IGF2BP1: variants seen among roughly 807,000 people sequenced by gnomAD.
The protein encoded by IGF2BP1 is insulin like growth factor 2 mRNA binding protein 1.
In IGF2BP1, 11 loss-of-function variants were observed where a neutral mutation model predicts 74.9. The observed-to-expected ratio is 0.15, with a 90% CI of 0.09 to 0.24. The LOEUF is 0.24. Ranked by LOEUF, IGF2BP1 falls within the 10% of genes least tolerant of loss-of-function variation. The pLI is 1.00. For missense variants in IGF2BP1, 440 were observed against 757.4 expected, an observed-to-expected ratio of 0.58 and a Z score of 4.92; for synonymous variants, 287 against 281.8, an observed-to-expected ratio of 1.02 and a Z score of -0.18.
intron 2 of IGF2BP1, among the ~76,000 whole-genome samples, chr17:49,001,739 T>C (rs2041490444): frequency 6.6e-6 from 1 of 152,142 alleles, no homozygotes; most frequent in African/African-American, 2.4e-5. Flanking sequence ...AATTTGTATA[T>C]GTTCACTGCC....
intron 14 of IGF2BP1, among the ~76,000 whole-genome samples, chr17:49,048,488 G>T (rs968025986): frequency 6.6e-6 from 1 of 151,732 alleles, no homozygotes; most frequent in Non-Finnish European, 1.5e-5. Flanking sequence ...CCTGACCTCA[G>T]GTGATTCACC....
intron 6 of IGF2BP1, among the ~76,000 whole-genome samples, chr17:49,038,727 A>G (rs1327123931): frequency 6.6e-6 from 1 of 152,068 alleles, no homozygotes; most frequent in Non-Finnish European, 1.5e-5. Flanking sequence ...GTCTCCAAGC[A>G]AACCTCATTT....
intron 2 of IGF2BP1, chr17:49,014,639 C>A: frequency 3.0e-6 from 1 of 337,360 alleles, no homozygotes; most frequent in Non-Finnish European, 4.2e-6. Flanking sequence ...CCAGCTGCAG[C>A]GCCTGTTTCC....
At position 49,053,229 on chromosome 17, in the gene IGF2BP1, A is replaced by G. The variant is rs768323916; in HGVS notation, c.*3785A>G. On this transcript the variant is annotated 3_prime_UTR_variant, in exon 15 of 15. Coordinates refer to ENST00000290341, the MANE Select transcript of IGF2BP1 (RefSeq NM_006546.4). ...AAAGACCCCATTTAAAACCCAGAGAACACTGGAGGGGGATGCTCTAGTTGG... is the reference window on the plus strand; with the variant it reads ...AAAGACCCCATTTAAAACCCAGAGAGCACTGGAGGGGGATGCTCTAGTTGG... The G allele has an allele frequency of 6.6e-6, 1 of 152,604 alleles. No homozygotes were observed. The highest frequency in any genetic ancestry group is 1.5e-5 in the Non-Finnish European group (1 of 68,046). 9.5% of individuals were successfully genotyped at this position (152,604 alleles called of 1,614,324 possible). A position where few individuals can be genotyped will look rare whatever the true frequency, so the allele number is the denominator to read the frequency against.
In IGF2BP1 at chr17:49,017,473, GA is replaced by G. The variant is rs1448000621; in HGVS notation, c.237-8144del. Reference sequence around the variant, plus strand: ...AGAAACAGGTGAAATTAATTTTAAAGATAGTTAACCCAATATATAAAAAATT... The same window carrying G: ...AGAAACAGGTGAAATTAATTTTAAAGTAGTTAACCCAATATATAAAAAATT... On this transcript the variant is annotated intron_variant, in intron 2 of 14. Coordinates refer to ENST00000290341, the MANE Select transcript of IGF2BP1 (RefSeq NM_006546.4). Among the ~76,000 whole-genome samples the G allele has an allele frequency of 3.9e-5, 6 of 151,988 alleles. 1 individual carries two copies. The highest frequency in any genetic ancestry group is 3.9e-4 in the Admixed American group (6 of 15,256).
intron 5 of IGF2BP1, chr17:49,037,318 A>G (rs138272405): frequency 3.4e-5 from 17 of 497,990 alleles, no homozygotes; most frequent in African/African-American, 2.2e-4. Flanking sequence ...ACTGCTCACT[A>G]TAATGATCCA....
intron 2 of IGF2BP1, among the ~76,000 whole-genome samples, chr17:49,018,327 T>G (rs1018985920): frequency 6.6e-6 from 1 of 152,192 alleles, no homozygotes; most frequent in African/African-American, 2.4e-5. Context: ...GTGTGTGTGT[T>G]TTTGCAGGTT....
rs1179880787 is a variant in IGF2BP1, at chr17:49,053,875, A to G, written c.*4431A>G. The G allele has an allele frequency of 6.6e-6, 1 of 152,652 alleles. No homozygotes were observed. The highest frequency in any genetic ancestry group is 2.4e-5 in the African/African-American group (1 of 41,448). The allele number at this position is 152,652 out of a possible 1,614,324, so 9.5% of individuals were successfully genotyped here. A position where few individuals can be genotyped will look rare whatever the true frequency, so the allele number is the denominator to read the frequency against. On this transcript the variant is annotated 3_prime_UTR_variant, in exon 15 of 15. Coordinates refer to ENST00000290341, the MANE Select transcript of IGF2BP1 (RefSeq NM_006546.4). ...GAGATCCTAGTGGCTTTGCCATTCA[A>G]ACCACTCGACTGTTTGCCTGTTTCT...
chr17:49,005,144 A>G (rs745653063), intron 2 of IGF2BP1, among the ~76,000 whole-genome samples: 5 of 152,252 alleles, frequency 3.3e-5, no homozygotes, highest in Admixed American at 2.6e-4. Flanking sequence ...TAGGTTTGCA[A>G]TAATACAACA....
upstream of IGF2BP1, among the ~76,000 whole-genome samples, chr17:48,997,132 G>C (rs1459268225): frequency 1.3e-5 from 2 of 152,144 alleles, no homozygotes; most frequent in Admixed American, 6.5e-5. The surrounding 1 kb of genome is among the most constrained non-coding windows in gnomAD (Gnocchi z 4.8). Context: ...TGGGGTAGGG[G>C]GATGGGTGGG....
At chr17:49,024,475 G>A (rs1161167230) in intron 2 of IGF2BP1, among the ~76,000 whole-genome samples, 1 of 152,106 alleles carries the variant, frequency 6.6e-6, no homozygotes, top group African/African-American at 2.4e-5. Context: ...TGGGAGAGGG[G>A]AAGGTAGTGG....
chr17:49,038,022 AT>A, intron 5 of IGF2BP1, 145 bp from the exon 6 acceptor site: 1 of 602,856 alleles, frequency 1.7e-6, no homozygotes, highest in African/African-American at 1.9e-5. Context: ...GTTGTGAAAA[AT>A]GGAGGTGGAG....
In IGF2BP1 at chr17:49,019,997, C is replaced by T. The variant is rs1199314435; in HGVS notation, c.237-5621C>T. On this transcript the variant is annotated intron_variant, in intron 2 of 14. Coordinates refer to ENST00000290341, the MANE Select transcript of IGF2BP1 (RefSeq NM_006546.4). ...ACACATACACCCACACATATATATA[C>T]ACACACACACACATATATATACACA... Among the ~76,000 whole-genome samples the T allele has an allele frequency of 1.2e-4, 11 of 94,492 alleles. No homozygotes were observed. In the South Asian group the frequency reaches 1.8e-3, roughly 16 times the overall value. The allele number at this position is 94,492 out of a possible 152,430, so 62.0% of individuals were successfully genotyped here.
chr17:48,996,616 C>G (rs946230149), upstream of IGF2BP1: 2 of 152,462 alleles, frequency 1.3e-5, no homozygotes, highest in African/African-American at 4.8e-5. Context: ...CCGTTCCTGT[C>G]TCCTGGAGTC....
chr17:49,055,086 TTC>T lies in IGF2BP1; in HGVS notation c.*5644_*5645del, dbSNP rs1448875935. Reference sequence around the variant, plus strand: ...GCTTAGGTTAGGGGGGGAAAAAGATTTCTTTTTCCAAAGGAAAAAAATATTAC... The same window carrying T: ...GCTTAGGTTAGGGGGGGAAAAAGATTTTTTTCCAAAGGAAAAAAATATTAC... On this transcript the variant is annotated 3_prime_UTR_variant, in exon 15 of 15. Coordinates refer to ENST00000290341, the MANE Select transcript of IGF2BP1 (RefSeq NM_006546.4). 6.6e-6 allele frequency: 1 copy of T among 151,868 alleles called. No homozygotes were observed. Among genetic ancestry groups the T allele is most frequent in the Admixed American group, 6.6e-5 (1 of 15,186 alleles). 9.4% of individuals were successfully genotyped at this position (151,868 alleles called of 1,614,324 possible). A position where few individuals can be genotyped will look rare whatever the true frequency, so the allele number is the denominator to read the frequency against.
chr17:49,043,384 C>G (rs759335300), intron 9 of IGF2BP1, 44 bp from the exon 10 acceptor site: 2 of 1,609,668 alleles, frequency 1.2e-6, no homozygotes, highest in African/African-American at 1.3e-5. Flanking sequence ...ACACAAGCCC[C>G]TGTCAGGGTG....
At position 49,019,969 on chromosome 17, in the gene IGF2BP1, CACACACAT is replaced by C. The variant is rs1218542077; in HGVS notation, c.237-5644_237-5637del. Among the ~76,000 whole-genome samples, 392 of 92,628 alleles carry C rather than the reference CACACACAT, an allele frequency of 4.2e-3. 19 individuals are homozygous for C. The highest frequency in any genetic ancestry group is 0.02 in the African/African-American group (371 of 18,736). The allele number at this position is 92,628 out of a possible 152,430, so 60.8% of individuals were successfully genotyped here. ...ATATATTTATATACACACACACACA[CACACACAT>C]ACACCCACACATATATATACACACA... On this transcript the variant is annotated intron_variant, in intron 2 of 14. Coordinates refer to ENST00000290341, the MANE Select transcript of IGF2BP1 (RefSeq NM_006546.4).
chr17:48,997,659 T>C lies in IGF2BP1; in HGVS notation c.-87T>C. ...AAGTTTGCGGCTCCTGCCGCCGGCC[T>C]CTCCGCCTCTTGGCCTAGGAGGCTC... On this transcript the variant is annotated 5_prime_UTR_variant, in exon 1 of 15. Transcript: ENST00000290341. The surrounding 1 kb of genome is among the most constrained non-coding windows in gnomAD (Gnocchi z 4.8). 2 of 1,421,868 alleles carry C rather than the reference T, an allele frequency of 1.4e-6. No homozygotes were observed. The highest frequency in any genetic ancestry group is 2.6e-5 in the South Asian group (2 of 76,690). The allele number at this position is 1,421,868 out of a possible 1,614,324, so 88.1% of individuals were successfully genotyped here.
intron 5 of IGF2BP1, among the ~76,000 whole-genome samples, chr17:49,035,090 G>A (rs1183916768): frequency 6.6e-6 from 1 of 152,200 alleles, no homozygotes; most frequent in Non-Finnish European, 1.5e-5. Flanking sequence ...TAAACATACT[G>A]ATCAATGGAA....
Sources: gnomAD v4.1 joint callset for allele counts (sites outside exome capture counted in the v4.1 genomes callset) on GRCh38, gnomAD v4.1.1 for gene constraint, Gnocchi (gnomAD v3.1) non-coding constraint, MANE v1.5 for transcripts, NCBI Gene and HGNC (gene_info 2026-07-23, HGNC 2026-07-21) for gene names.